The following RABGEF1 variants were observed in gnomAD, a reference collection of about 807,000 sequenced individuals.
RABGEF1 encodes RAB guanine nucleotide exchange factor 1.
A neutral mutation model predicts 57.3 loss-of-function variants in RABGEF1; 26 were observed. The ratio of observed to expected loss-of-function variants is 0.45; its 90% confidence interval spans 0.33 to 0.63. RABGEF1 has a LOEUF of 0.63. RABGEF1 is among the 20% of genes least tolerant of loss of function. RABGEF1 has a pLI of 0.02. For synonymous variants in RABGEF1, 185 were observed against 210.7 expected (o/e 0.88, Z 1.06); for missense variants, 464 against 607.6 (o/e 0.76, Z 2.48).
Position 66,809,047 on chromosome 7 carries a change from C to G in RABGEF1, c.1239C>G (p.Asn413Lys), listed in dbSNP as rs1439257301. ...ACLGVKQMYKNLDLLSQLNER... is the reference protein window; with the variant it reads ...ACLGVKQMYKKLDLLSQLNER... ...TAGGCGTCAAGCAAATGTATAAGAA[C>G]TTGGATCTCTTGTCTCAGTTGAATG... Residue 413 changes from asparagine (N) to lysine (K), a missense_variant, in exon 9 of 9, where the codon AAC (asparagine) becomes AAG (lysine). By Grantham distance (94) the Asn-to-Lys change is moderately conservative. Transcript: ENST00000284957. The G allele has an allele frequency of 6.2e-7, 1 of 1,614,120 alleles. No homozygotes were observed. Among genetic ancestry groups the G allele is most frequent in the Non-Finnish European group, 8.5e-7 (1 of 1,180,030 alleles).
intron 4 of RABGEF1, among the ~76,000 whole-genome samples, chr7:66,790,421 C>G (rs1812360731): frequency 6.6e-6 from 1 of 152,094 alleles, no homozygotes; most frequent in Admixed American, 6.5e-5. Context: ...CATGAAAACC[C>G]AGCGTGAAAA....
intron 1 of RABGEF1, among the ~76,000 whole-genome samples, chr7:66,761,210 C>T (rs1437393763): frequency 1.3e-5 from 2 of 152,144 alleles, no homozygotes; most frequent in African/African-American, 4.8e-5. Context: ...TCTTCTAGTT[C>T]ACTTCCTGCA....
At chr7:66,687,161 T>C (rs1349064679) in intron 1 of RABGEF1, among the ~76,000 whole-genome samples, 3 of 145,676 alleles carry the variant, frequency 2.1e-5, no homozygotes, top group Non-Finnish European at 3.0e-5. Context: ...AGTCTTGCTC[T>C]GTTGCTCAGG....
intron 1 of RABGEF1, among the ~76,000 whole-genome samples, chr7:66,687,808 A>G (rs1053333183): frequency 2.0e-5 from 3 of 152,152 alleles, no homozygotes; most frequent in Non-Finnish European, 4.4e-5. Context: ...AAATGAGGCC[A>G]GGCTTAGTGA....
intron 1 of RABGEF1, among the ~76,000 whole-genome samples, chr7:66,771,568 T>C (rs1807144865): frequency 6.6e-6 from 1 of 152,244 alleles, no homozygotes; most frequent in Non-Finnish European, 1.5e-5. Context: ...AAGTTTTTTT[T>C]CTAGGAGTTT....
intron 2 of RABGEF1, among the ~76,000 whole-genome samples, chr7:66,733,911 A>G (rs1268855405): frequency 6.6e-6 from 1 of 152,190 alleles, no homozygotes; most frequent in Non-Finnish European, 1.5e-5. Flanking sequence ...ATGCTGAGGC[A>G]GGAGAATCAC....
At chr7:66,807,584 T>C (rs1177145867) in intron 8 of RABGEF1, among the ~76,000 whole-genome samples, 1 of 152,258 alleles carries the variant, frequency 6.6e-6, no homozygotes, top group Non-Finnish European at 1.5e-5. Context: ...GTCTTGACCT[T>C]ACACTTGTAT....
upstream of RABGEF1, among the ~76,000 whole-genome samples, chr7:66,738,731 CAAAA>C (rs546724986): frequency 1.1e-5 from 1 of 95,000 alleles, no homozygotes; most frequent in Admixed American, 1.1e-4. Flanking sequence ...GACTCTAACT[CAAAA>C]AAAAAAAAAA....
Position 66,797,466 on chromosome 7 carries a change from G to C in RABGEF1, c.688G>C (p.Asp230His). The part of the protein sequence containing the change: ...YKYVFCPETT[D>H]DEKKDLAIQK... ...ATATGTATTCTGTCCAGAAACTACT[G>C]ATGATGAGAAGAAAGATCTTGCCAT... Residue 230 changes from aspartate (D) to histidine (H), a missense_variant, in exon 6 of 9, where the codon GAT (aspartate) becomes CAT (histidine). Coordinates refer to ENST00000284957, the MANE Select transcript of RABGEF1 (RefSeq NM_014504.3). The C allele has an allele frequency of 6.2e-7, 1 of 1,611,204 alleles. No homozygotes were observed. Among genetic ancestry groups the C allele is most frequent in the Non-Finnish European group, 8.5e-7 (1 of 1,179,576 alleles).
intron 1 of RABGEF1, among the ~76,000 whole-genome samples, chr7:66,743,838 C>T (rs1414868433): frequency 3.3e-5 from 5 of 151,904 alleles, no homozygotes; most frequent in Non-Finnish European, 7.4e-5. Flanking sequence ...TGTATGTTTC[C>T]CAGGGTGCTC....
intron 2 of RABGEF1, chr7:66,773,796 G>T: frequency 2.2e-6 from 1 of 449,082 alleles, no homozygotes; most frequent in Non-Finnish European, 4.5e-6. Context: ...CTCCCAAGTA[G>T]CTAGGACTAC....
At chr7:66,695,311 C>CA (rs931484121) in intron 1 of RABGEF1, among the ~76,000 whole-genome samples, 67 of 145,960 alleles carry the variant, frequency 4.6e-4, no homozygotes, top group African/African-American at 1.3e-3. Context: ...GACCCTGTCT[C>CA]AAAAAAAAAA....
intron 1 of RABGEF1, among the ~76,000 whole-genome samples, chr7:66,701,954 A>G (rs1305870344): frequency 6.6e-6 from 1 of 152,160 alleles, no homozygotes; most frequent in African/African-American, 2.4e-5. Flanking sequence ...TTCAAATGTA[A>G]AATTCAGTGG....
chr7:66,709,183 A>T (rs1010352266), intron 1 of RABGEF1, among the ~76,000 whole-genome samples: 1 of 151,812 alleles, frequency 6.6e-6, no homozygotes, highest in Non-Finnish European at 1.5e-5. Context: ...TAATTTTTGT[A>T]TTTTTAGTAG....
At chr7:66,683,963 A>G (rs547420113) in intron 1 of RABGEF1, among the ~76,000 whole-genome samples, 1 of 152,256 alleles carries the variant, frequency 6.6e-6, no homozygotes, top group South Asian at 2.1e-4. Context: ...CTGGTCTTGA[A>G]TTCCTGGACT....
rs188916576 is a variant in RABGEF1, at chr7:66,722,277, T to C, written c.-815+10053T>C. 1.8e-4 allele frequency among the ~76,000 whole-genome samples: 28 copies of C among 152,176 alleles called. No homozygotes were observed. The East Asian group carries it at 5.0e-3, about 27-fold the overall frequency. On this transcript the variant is annotated intron_variant and NMD_transcript_variant, in intron 2 of 9. Coordinates refer to the RABGEF1 transcript ENST00000607882. ...CAACATGGTGAAACCCCACCTTTAC[T>C]AAAAATACAAAAATTAGCCAGGCGT... is the stretch of plus-strand genomic sequence containing the variant.
chr7:66,699,430 C>T (rs1349485871), intron 1 of RABGEF1, among the ~76,000 whole-genome samples: 4 of 152,174 alleles, frequency 2.6e-5, no homozygotes, highest in South Asian at 2.1e-4. Flanking sequence ...GTGGCTCACA[C>T]CTGTAATCCC....
intron 3 of RABGEF1, among the ~76,000 whole-genome samples, chr7:66,780,690 A>C (rs1324317158): frequency 2.0e-5 from 3 of 152,256 alleles, no homozygotes; most frequent in Admixed American, 6.5e-5. Flanking sequence ...CAGTTCTGTC[A>C]GATTTTGTTT....
rs565702354 is a variant in RABGEF1 at position 66,789,350 on chromosome 7, C to T, written c.513+5509C>T. Among the ~76,000 whole-genome samples the T allele has an allele frequency of 2.6e-5, 4 of 152,196 alleles. No homozygotes were observed. In the South Asian group the frequency reaches 8.3e-4, roughly 32 times the overall value. On this transcript the variant is annotated intron_variant, in intron 4 of 8. Coordinates refer to ENST00000284957, the MANE Select transcript of RABGEF1 (RefSeq NM_014504.3). ...GAGGCAGTGGAAATAGCTCTGAGCT[C>T]TCAGCATCTATAAGTCATAAGGAAA...
Sources: allele counts gnomAD v4.1 joint callset (sites outside exome capture counted in the v4.1 genomes callset), GRCh38; gene constraint gnomAD v4.1.1; transcripts MANE v1.5; gene names NCBI Gene and HGNC (gene_info 2026-07-23, HGNC 2026-07-21).